PLS1: variants seen among roughly 807,000 people sequenced by gnomAD.
PLS1 encodes the protein plastin-1.
In PLS1, 32 loss-of-function variants were observed where a neutral mutation model predicts 73.7. That is an observed-to-expected ratio of 0.43 (90% confidence interval 0.33 to 0.58). The LOEUF is 0.58. Among genes scored for constraint, PLS1 ranks in the 20% least tolerant of loss-of-function variants. PLS1 has a pLI of 0.04. For missense variants in PLS1, 633 were observed against 740.5 expected, an observed-to-expected ratio of 0.85 and a Z score of 1.68; for synonymous variants, 217 against 261.3, an observed-to-expected ratio of 0.83 and a Z score of 1.63.
At chr3:142,704,403 A>T (rs1197979473) in intron 13 of PLS1, 60 bp from the exon 14 acceptor site, 6 of 1,351,506 alleles carry the variant, frequency 4.4e-6, no homozygotes, top group African/African-American at 1.5e-5. Context: ...CATTGATATA[A>T]ATTATGTGAA....
intron 5 of PLS1, among the ~76,000 whole-genome samples, chr3:142,677,734 G>T (rs181765375): frequency 1.4e-4 from 21 of 152,142 alleles, no homozygotes; most frequent in Non-Finnish European, 2.1e-4. Context: ...TTTTAGGAAT[G>T]GGAATATTTC....
chr3:142,702,973 G>A (rs186440103), intron 12 of PLS1, among the ~76,000 whole-genome samples: 1 of 152,284 alleles, frequency 6.6e-6, no homozygotes, highest in East Asian at 1.9e-4. Flanking sequence ...GTAGAAGATG[G>A]TGCATAAGCA....
chr3:142,611,295 A>T (rs886737477), intron 1 of PLS1, among the ~76,000 whole-genome samples: 1 of 152,184 alleles, frequency 6.6e-6, no homozygotes, highest in East Asian at 1.9e-4. Flanking sequence ...GTGTTATTTT[A>T]TTCTCACAAA....
chr3:142,607,878 A>AT (rs60056145), intron 1 of PLS1, among the ~76,000 whole-genome samples: 2,753 of 145,546 alleles, frequency 0.019, 54 homozygotes, highest in African/African-American at 0.047. Flanking sequence ...ATTTGTCTGA[A>AT]TTTTTTTTTT....
Position 142,601,080 on chromosome 3 carries a change from C to T in PLS1, c.-37+4571C>T, listed in dbSNP as rs1331452529. 6.1e-5 allele frequency among the ~76,000 whole-genome samples: 9 copies of T among 147,168 alleles called. 1 individual carries two copies. In the South Asian group the frequency reaches 1.5e-3, roughly 25 times the overall value. On this transcript the variant is annotated intron_variant, in intron 1 of 15. Coordinates refer to ENST00000457734, the MANE Select transcript of PLS1 (RefSeq NM_001145319.2). ...CTGGGACTACAGGCACCCGCCACCA[C>T]GCCCGGCTAATTTTTTTTTTATTTT... is the stretch of plus-strand genomic sequence containing the variant.
At chr3:142,604,686 G>A (rs964173786) in intron 1 of PLS1, among the ~76,000 whole-genome samples, 2 of 152,166 alleles carry the variant, frequency 1.3e-5, no homozygotes, top group Non-Finnish European at 2.9e-5. Flanking sequence ...TGTAATCCCA[G>A]CACTTTGGGA....
chr3:142,709,061 TAA>T (rs1191401406), intron 14 of PLS1, among the ~76,000 whole-genome samples: 1 of 152,184 alleles, frequency 6.6e-6, no homozygotes, highest in Non-Finnish European at 1.5e-5. Context: ...ACTTGTATTT[TAA>T]AAAATAATCA....
At chr3:142,658,334 G>A (rs2037286349) in intron 1 of PLS1, among the ~76,000 whole-genome samples, 1 of 152,082 alleles carries the variant, frequency 6.6e-6, no homozygotes, top group Non-Finnish European at 1.5e-5. Context: ...AAATTAGCCA[G>A]ATGTGGTGAT....
At chr3:142,631,553 C>T (rs893405884) in intron 1 of PLS1, among the ~76,000 whole-genome samples, 3 of 145,094 alleles carry the variant, frequency 2.1e-5, no homozygotes, top group Admixed American at 1.4e-4. Context: ...CCCAGCTACT[C>T]GGGAGACTGA....
intron 6 of PLS1, among the ~76,000 whole-genome samples, chr3:142,679,417 T>G (rs1174163458): frequency 9.9e-5 from 15 of 151,504 alleles, no homozygotes; most frequent in African/African-American, 7.3e-5. Flanking sequence ...GTCTAACGTT[T>G]AAGTCTTTAA....
chr3:142,602,601 C>G (rs577828995), intron 1 of PLS1, among the ~76,000 whole-genome samples: 58 of 151,646 alleles, frequency 3.8e-4, no homozygotes, highest in South Asian at 1.9e-3. Context: ...ATTTAAAGGC[C>G]CCCCCCACCC....
At chr3:142,680,007 T>C (rs1276612323) in intron 6 of PLS1, among the ~76,000 whole-genome samples, 1 of 152,138 alleles carries the variant, frequency 6.6e-6, no homozygotes, top group African/African-American at 2.4e-5. Context: ...GTAAGTTGGA[T>C]TCCTAGGTAT....
At chr3:142,678,901 T>A (rs1227224792) in intron 6 of PLS1, among the ~76,000 whole-genome samples, 3 of 152,020 alleles carry the variant, frequency 2.0e-5, no homozygotes, top group Non-Finnish European at 4.4e-5. Flanking sequence ...AGTGTAAAAG[T>A]GTTCCTGTTT....
rs763336814 is a variant in PLS1, at chr3:142,669,418, C to A, written c.99C>A (p.Asp33Glu). Residue 33 changes from aspartate to glutamate, a missense_variant, in exon 3 of 16, where the codon GAC becomes GAA. Physicochemically the swap from Asp to Glu is conservative, Grantham distance 45 (BLOSUM62 2). Transcript: ENST00000457734. ...IDIDNSGYVS[D>E]YELQDLFKEA... ...TTGACAATAGTGGGTATGTCAGTGA[C>A]TATGAACTTCAAGACCTGTTTAAGG... is the stretch of plus-strand genomic sequence containing the variant. 14 of 1,595,158 alleles carry A rather than the reference C, an allele frequency of 8.8e-6. No homozygotes were observed. Among genetic ancestry groups the A allele is most frequent in the African/African-American group, 1.3e-5 (1 of 74,544 alleles).
chr3:142,658,506 C>T lies in PLS1; in HGVS notation c.-36-5696C>T, dbSNP rs548181563. ...AAAAAAAAAAAAGATGTAACAGATTCAGCCCTACCCTGCAAGCCCTGCTCC... is the reference window on the plus strand; with the variant it reads ...AAAAAAAAAAAAGATGTAACAGATTTAGCCCTACCCTGCAAGCCCTGCTCC... On this transcript the variant is annotated intron_variant, in intron 1 of 15. Transcript: ENST00000457734. Among the ~76,000 whole-genome samples the T allele has an allele frequency of 9.6e-4, 145 of 151,090 alleles. 2 individuals carry two copies. Among genetic ancestry groups the T allele is most frequent in the African/African-American group, 3.4e-3 (139 of 41,168 alleles).
rs564925962 is a variant in PLS1, at chr3:142,673,985, A to G, written c.365-2172A>G. The G allele has an allele frequency of 2.6e-5, 4 of 152,304 alleles. No homozygotes were observed. In the East Asian group the frequency reaches 7.7e-4, roughly 29 times the overall value. The allele number at this position is 152,304 out of a possible 1,614,324, so 9.4% of individuals were successfully genotyped here. On this transcript the variant is annotated intron_variant, in intron 4 of 15. Coordinates refer to ENST00000457734, the MANE Select transcript of PLS1 (RefSeq NM_001145319.2). The stretch of plus-strand genomic sequence containing the variant: ...ATGTGGTATCTCATTCCTGGTTCCT[A>G]TACCTGAAACATCCTTTCTTTCCTT...
At chr3:142,682,282 G>A (rs376672883) in intron 6 of PLS1, among the ~76,000 whole-genome samples, 20 of 152,294 alleles carry the variant, frequency 1.3e-4, no homozygotes, top group African/African-American at 4.8e-4. Flanking sequence ...GAGTTAATGG[G>A]TCTTTTAGGT....
intron 11 of PLS1, among the ~76,000 whole-genome samples, chr3:142,696,249 G>A (rs929660916): frequency 1.3e-5 from 2 of 152,218 alleles, no homozygotes; most frequent in Admixed American, 6.5e-5. Context: ...GAACACTAGA[G>A]TTCTATCACT....
chr3:142,711,525 C>G lies in PLS1; in HGVS notation c.1654C>G (p.Pro552Ala). 1.3e-6 allele frequency: 2 copies of G among 1,593,504 alleles called. No homozygotes were observed. Among genetic ancestry groups the G allele is most frequent in the Non-Finnish European group, 8.6e-7 (1 of 1,163,052 alleles). Reference protein sequence around the residue: ...FKDKSISTSLPVLDLIDAIAP... With the variant: ...FKDKSISTSLAVLDLIDAIAP... Reference sequence around the variant, plus strand: ...GGATAAATCTATAAGCACAAGTTTACCTGTCCTAGATTTAATAGATGCCAT... The same window carrying G: ...GGATAAATCTATAAGCACAAGTTTAGCTGTCCTAGATTTAATAGATGCCAT... Residue 552 changes from proline (P) to alanine (A), a missense_variant, in exon 15 of 16, where the codon CCT becomes GCT. Transcript: ENST00000457734.
Sources: gnomAD v4.1 joint callset for allele counts (sites outside exome capture counted in the v4.1 genomes callset) on GRCh38, gnomAD v4.1.1 for gene constraint, MANE v1.5 for transcripts, NCBI Gene and HGNC (gene_info 2026-07-23, HGNC 2026-07-21) for gene names.